The following FOCAD variants were observed in gnomAD, a reference collection of about 807,000 sequenced individuals.
The protein encoded by FOCAD is focadhesin.
Under a neutral mutation model 225.6 loss-of-function variants are expected in FOCAD, and 198 were observed. The ratio of observed to expected loss-of-function variants is 0.88; its 90% CI spans 0.78 to 0.99. The LOEUF (loss-of-function observed/expected upper bound fraction) is 0.99. Ranked by LOEUF, FOCAD falls within the 50% of genes least tolerant of loss-of-function variation. The pLI, the probability that FOCAD is intolerant of heterozygous loss-of-function variation, is 0.00. For synonymous variants in FOCAD, 897 were observed against 755.0 expected, an observed-to-expected ratio of 1.19 and a Z score of -3.08; for missense variants, 2,713 against 2,123.6, an observed-to-expected ratio of 1.28 and a Z score of -5.46.
rs192212276 is a variant in FOCAD at position 20,798,595 on chromosome 9, A to G, written c.1455+8987A>G. On this transcript the variant is annotated intron_variant, in intron 11 of 43. Coordinates refer to ENST00000338382, the MANE Select transcript of FOCAD (RefSeq NM_001375567.1). Reference sequence around the variant, plus strand: ...TCTTGGGAGGATGTATGTGTCGAGGAATTTATCCATTTCTTCTAGATTTTC... The same window carrying G: ...TCTTGGGAGGATGTATGTGTCGAGGGATTTATCCATTTCTTCTAGATTTTC... 1.8e-4 allele frequency among the ~76,000 whole-genome samples: 28 copies of G among 152,084 alleles called. No homozygotes were observed. In the East Asian group the frequency reaches 5.2e-3, roughly 28 times the overall value.
At chr9:20,724,033 A>G (rs1288494555) in intron 4 of FOCAD, among the ~76,000 whole-genome samples, 1 of 152,190 alleles carries the variant, frequency 6.6e-6, no homozygotes, top group African/African-American at 2.4e-5. Flanking sequence ...ATGTGAACTA[A>G]CTGAGCAAGA....
rs1195483314 is a variant in FOCAD at position 20,819,833 on chromosome 9, GA to G, written c.1495del (p.Arg499AspfsTer25). ...NLIPVLMFKL[G>X]RPLEPILYND... ...ATTCCAGTTTTGATGTTCAAATTGGGAAGACCACTGGAACCTATATTATATA... is the reference window on the plus strand; with the variant it reads ...ATTCCAGTTTTGATGTTCAAATTGGGAGACCACTGGAACCTATATTATATA... On this transcript the variant is annotated frameshift_variant, in exon 12 of 44. Transcript: ENST00000338382. LOFTEE classifies it high-confidence loss of function. The G allele has an allele frequency of 6.5e-7, 1 of 1,536,564 alleles. No homozygotes were observed. The highest frequency in any genetic ancestry group is 2.0e-5 in the Admixed American group (1 of 50,276).
In FOCAD at chr9:20,862,718, C is replaced by G; in HGVS notation, c.2055+6C>G. ...TCAATACAACTGAATATGAGGTATGCATTTGGAGCTCAGCACATTGCCTGC... is the reference window on the plus strand; with the variant it reads ...TCAATACAACTGAATATGAGGTATGGATTTGGAGCTCAGCACATTGCCTGC... On this transcript the variant is annotated splice_donor_region_variant and intron_variant, in intron 16 of 43. Coordinates refer to ENST00000338382, the MANE Select transcript of FOCAD (RefSeq NM_001375567.1). The G allele has an allele frequency of 6.2e-7, 1 of 1,608,054 alleles. No individual in the cohort carries two copies. The highest frequency in any genetic ancestry group is 1.1e-5 in the South Asian group (1 of 89,694).
chr9:20,703,374 G>T (rs1431438363), intron 1 of FOCAD, among the ~76,000 whole-genome samples: 1 of 152,142 alleles, frequency 6.6e-6, no homozygotes, highest in African/African-American at 2.4e-5. Context: ...CAATGTGGCT[G>T]AAGTGCCCTG....
chr9:20,827,608 C>A lies in FOCAD; in HGVS notation c.1920+4493C>A, dbSNP rs113251759. 9.4e-3 allele frequency among the ~76,000 whole-genome samples: 1,422 copies of A among 151,788 alleles called. 25 individuals carry two copies. Among genetic ancestry groups the A allele is most frequent in the East Asian group, 0.043 (222 of 5,132 alleles). On this transcript the variant is annotated intron_variant, in intron 15 of 43. Transcript: ENST00000338382. ...GGGACAGTGTAGATGAACCTAGATGCCATTCTGATAAGTGAAATAAGACAG... is the reference window on the plus strand; with the variant it reads ...GGGACAGTGTAGATGAACCTAGATGACATTCTGATAAGTGAAATAAGACAG...
intron 24 of FOCAD, among the ~76,000 whole-genome samples, chr9:20,923,125 T>A (rs1402436222): frequency 2.0e-5 from 3 of 152,158 alleles, no homozygotes; most frequent in African/African-American, 4.8e-5. Flanking sequence ...TTTTGCTATA[T>A]TAAGAGAAAG....
chr9:20,844,349 C>CTTTTTATTTTTTTT (rs1826853223), intron 15 of FOCAD, among the ~76,000 whole-genome samples: 1 of 77,248 alleles, frequency 1.3e-5, no homozygotes, highest in Non-Finnish European at 2.2e-5. Context: ...AGGAAATTTC[C>CTTTTTATTTTTTTT]TTTTTTTTTT....
intron 9 of FOCAD, among the ~76,000 whole-genome samples, chr9:20,779,445 GT>G (rs1213830715): frequency 7.2e-5 from 11 of 152,156 alleles, no homozygotes; most frequent in African/African-American, 2.7e-4. Flanking sequence ...GCTGTTCTTA[GT>G]TTTAAAAAGT....
chr9:20,874,533 T>A (rs1587471308), intron 18 of FOCAD, 148 bp from the exon 19 acceptor site: 2 of 724,658 alleles, frequency 2.8e-6, no homozygotes, highest in East Asian at 5.7e-5. Flanking sequence ...AATAGATTTT[T>A]AAAAAATTAA....
At chr9:20,751,089 T>C (rs901052901) in intron 5 of FOCAD, among the ~76,000 whole-genome samples, 23 of 152,138 alleles carry the variant, frequency 1.5e-4, no homozygotes, top group African/African-American at 5.6e-4. Context: ...GATGTAAATT[T>C]GGAACTTTTG....
intron 3 of FOCAD, 94 bp from the exon 4 acceptor site, chr9:20,720,286 G>A (rs1422615323): frequency 8.0e-7 from 1 of 1,250,618 alleles, no homozygotes; most frequent in African/African-American, 1.5e-5. Context: ...CTAGCCTACT[G>A]TGAACAAATT....
chr9:20,664,700 A>G (rs1471301936), intron 2 of FOCAD, among the ~76,000 whole-genome samples: 2 of 150,334 alleles, frequency 1.3e-5, no homozygotes, highest in Non-Finnish European at 3.0e-5. Context: ...GCTGGTTTCA[A>G]ACTCCTGGCC....
chr9:20,788,100 A>T (rs760392696), intron 10 of FOCAD, among the ~76,000 whole-genome samples: 3 of 152,308 alleles, frequency 2.0e-5, no homozygotes, highest in African/African-American at 7.2e-5. Context: ...GATAAACAAT[A>T]TAGTGTATCC....
intron 15 of FOCAD, among the ~76,000 whole-genome samples, chr9:20,838,685 G>C (rs978521452): frequency 6.6e-6 from 1 of 152,040 alleles, no homozygotes; most frequent in Non-Finnish European, 1.5e-5. Flanking sequence ...ATGTAGAGTA[G>C]GATCTCCAAA....
intron 15 of FOCAD, among the ~76,000 whole-genome samples, chr9:20,835,643 A>G (rs2131530577): frequency 6.6e-6 from 1 of 152,118 alleles, no homozygotes; most frequent in East Asian, 1.9e-4. Context: ...TGGAGAAGAA[A>G]TACAGGATGT....
At chr9:20,943,671 A>G (rs530594507) in intron 28 of FOCAD, among the ~76,000 whole-genome samples, 61 of 152,304 alleles carry the variant, frequency 4.0e-4, no homozygotes, top group African/African-American at 1.4e-3. Flanking sequence ...ATGACCTAAC[A>G]TGTGGGCATT....
intron 35 of FOCAD, among the ~76,000 whole-genome samples, chr9:20,969,984 G>C (rs1015844022): frequency 1.2e-4 from 11 of 91,480 alleles, no homozygotes; most frequent in African/African-American, 3.3e-4. Flanking sequence ...AGCATTTTTC[G>C]ATGACAGTTT....
At chr9:20,720,298 C>T in intron 3 of FOCAD, 82 bp from the exon 4 acceptor site, 2 of 1,346,228 alleles carry the variant, frequency 1.5e-6, no homozygotes, top group Non-Finnish European at 2.1e-6. Context: ...GAACAAATTA[C>T]TCATTGATGA....
intron 9 of FOCAD, among the ~76,000 whole-genome samples, chr9:20,780,712 C>T (rs985222860): frequency 1.3e-5 from 2 of 151,800 alleles, no homozygotes; most frequent in Non-Finnish European, 2.9e-5. Context: ...TATAAAAATG[C>T]CTGGAATATT....
Sources: gnomAD v4.1 joint callset for allele counts (sites outside exome capture counted in the v4.1 genomes callset) on GRCh38, gnomAD v4.1.1 for gene constraint, MANE v1.5 for transcripts, NCBI Gene and HGNC (gene_info 2026-07-23, HGNC 2026-07-21) for gene names.